Variants in ZMAT1 observed in about 807,000 individuals in gnomAD.
ZMAT1 encodes the protein zinc finger matrin-type protein 1.
A neutral mutation model predicts 18.5 loss-of-function variants in ZMAT1; 11 were observed. The ratio of observed to expected loss-of-function variants is 0.59; its 90% CI spans 0.37 to 0.98. The LOEUF (loss-of-function observed/expected upper bound fraction) is 0.98. Among genes scored for constraint, ZMAT1 ranks in the 50% least tolerant of loss-of-function variants. The pLI is 0.01. For synonymous variants in ZMAT1, 211 were observed against 176.4 expected (o/e 1.20, Z -1.55); for missense variants, 525 against 496.2 (o/e 1.06, Z -0.55).
intron 2 of ZMAT1, among the ~76,000 whole-genome samples, chrX:101,903,760 C>T (rs1329391391): frequency 1.8e-5 from 2 of 112,021 alleles, no homozygotes; most frequent in Non-Finnish European, 3.8e-5. Context: ...TAAACATTCT[C>T]TATTTTAGCT....
chrX:101,920,603 A>C (rs1370892106), intron 1 of ZMAT1, among the ~76,000 whole-genome samples: 1 of 112,171 alleles, frequency 8.9e-6, no homozygotes, highest in Non-Finnish European at 1.9e-5. Flanking sequence ...GCAAGGAGAA[A>C]ATAATGGAAA....
At chrX:101,898,994 G>A (rs1050791535) in intron 2 of ZMAT1, among the ~76,000 whole-genome samples, 2 of 110,690 alleles carry the variant, frequency 1.8e-5, no homozygotes, top group African/African-American at 6.6e-5. Context: ...GTTGCAGCGA[G>A]CCGAGATTGC....
chrX:101,904,663 C>T (rs781324761), intron 1 of ZMAT1, among the ~76,000 whole-genome samples: 1 of 111,359 alleles, frequency 9.0e-6, no homozygotes, highest in South Asian at 3.8e-4. Flanking sequence ...CCAGCCTTGG[C>T]CAGGTGCGGT....
intron 4 of ZMAT1, chrX:101,892,835 A>G (rs1927517923): frequency 2.2e-6 from 1 of 458,243 alleles, no homozygotes; most frequent in African/African-American, 2.7e-5. Context: ...ATATATAAAC[A>G]ATAGCAGATG....
chrX:101,898,160 C>A lies in ZMAT1; in HGVS notation c.460G>T (p.Val154Leu), dbSNP rs1224083749. ...YFQMHGEQNE[V>L]PGKKMKMHVE... ...TGCATCTTCATTTTCTTACCAGGCACTTCATTTTGTTCCCCATGCATTTGA... is the reference window on the plus strand; with the variant it reads ...TGCATCTTCATTTTCTTACCAGGCAATTCATTTTGTTCCCCATGCATTTGA... Residue 154 changes from valine to leucine, a missense_variant, in exon 3 of 6, where the codon GTG becomes TTG. Val to Leu is a conservative substitution (Grantham distance 32). Transcript: ENST00000651725. The A allele has an allele frequency of 1.7e-6, 2 of 1,211,603 alleles. No homozygotes were observed. The highest frequency in any genetic ancestry group is 1.8e-5 in the South Asian group (1 of 56,955).
chrX:101,897,368 T>C (rs1311021412), intron 4 of ZMAT1, among the ~76,000 whole-genome samples: 1 of 98,139 alleles, frequency 1.0e-5, no homozygotes, highest in Non-Finnish European at 2.1e-5. Flanking sequence ...AGGGATAGTA[T>C]TGGGAGATAT....
At chrX:101,912,231 G>A (rs1431075532) in intron 1 of ZMAT1, among the ~76,000 whole-genome samples, 1 of 111,882 alleles carries the variant, frequency 8.9e-6, no homozygotes, top group African/African-American at 3.3e-5. Flanking sequence ...CACACTGATG[G>A]GAAATGACCA....
Position 101,882,374 on chromosome X carries a change from T to C in ZMAT1, c.*1136A>G, listed in dbSNP as rs1036276288. Reference sequence around the variant, plus strand: ...ACTTTTTGAGACCGTTTTAAAACTATATATCATCTAAGTTTATTATAGACT... The same window carrying C: ...ACTTTTTGAGACCGTTTTAAAACTACATATCATCTAAGTTTATTATAGACT... On this transcript the variant is annotated 3_prime_UTR_variant, in exon 6 of 6. Transcript: ENST00000651725. 1.8e-5 allele frequency: 2 copies of C among 112,088 alleles called. No individual in the cohort carries two copies. The highest frequency in any genetic ancestry group is 3.8e-5 in the Non-Finnish European group (2 of 53,060). 9.2% of individuals were successfully genotyped at this position (112,088 alleles called of 1,213,427 possible). A position where few individuals can be genotyped will look rare whatever the true frequency, so the allele number is the denominator to read the frequency against.
chrX:101,914,797 T>C (rs1929203253), intron 1 of ZMAT1, among the ~76,000 whole-genome samples: 1 of 111,305 alleles, frequency 9.0e-6, no homozygotes, highest in African/African-American at 3.3e-5. Flanking sequence ...AAAACTATTC[T>C]GAAAAACAGA....
intron 1 of ZMAT1, among the ~76,000 whole-genome samples, chrX:101,929,142 CAA>C (rs1383021444): frequency 9.1e-6 from 1 of 109,749 alleles, no homozygotes; most frequent in Non-Finnish European, 1.9e-5. Flanking sequence ...TTATCCACCC[CAA>C]GACAGATGAA....
At chrX:101,923,209 G>T (rs1317021354) in intron 1 of ZMAT1, among the ~76,000 whole-genome samples, 2 of 111,370 alleles carry the variant, frequency 1.8e-5, no homozygotes, top group African/African-American at 6.5e-5. Flanking sequence ...TTATTGGTTG[G>T]TTGTTAAGTG....
Position 101,931,803 on chromosome X carries a change from CCGCCGCCGT to C in ZMAT1, c.197_205del (p.Asp66_Gly68del), listed in dbSNP as rs1168442223. On this transcript the variant is annotated inframe_deletion, in exon 1 of 6. Coordinates refer to ENST00000651725, the MANE Select transcript of ZMAT1 (RefSeq NM_001394560.1). ...CATAGTGGAGCCGCCAAAGCCGCCG[CCGCCGCCGT>C]CGCCACAGCCACCGGCAGGCGGGCA... The C allele has an allele frequency of 5.1e-6, 4 of 781,904 alleles. No homozygotes were observed. Among genetic ancestry groups the C allele is most frequent in the Non-Finnish European group, 6.1e-6 (4 of 659,784 alleles). The allele number at this position is 781,904 out of a possible 1,213,427, so 64.4% of individuals were successfully genotyped here. A position where few individuals can be genotyped will look rare whatever the true frequency, so the allele number is the denominator to read the frequency against.
At chrX:101,893,016 A>G (rs1322333998) in intron 4 of ZMAT1, among the ~76,000 whole-genome samples, 1 of 111,764 alleles carries the variant, frequency 8.9e-6, no homozygotes, top group Non-Finnish European at 1.9e-5. Context: ...TCAAATGTTT[A>G]CTGCTCTCAA....
intron 1 of ZMAT1, among the ~76,000 whole-genome samples, chrX:101,928,041 T>C (rs892802952): frequency 1.8e-5 from 2 of 112,022 alleles, no homozygotes; most frequent in Non-Finnish European, 3.8e-5. Context: ...GTCACACCAT[T>C]AGATTTACAG....
At chrX:101,914,386 A>C (rs1018917128) in intron 1 of ZMAT1, among the ~76,000 whole-genome samples, 12 of 111,841 alleles carry the variant, frequency 1.1e-4, no homozygotes, top group African/African-American at 3.9e-4. Context: ...AATACAATAC[A>C]AAAGACCAAT....
At chrX:101,927,371 C>T (rs899083087) in intron 1 of ZMAT1, among the ~76,000 whole-genome samples, 3 of 111,844 alleles carry the variant, frequency 2.7e-5, no homozygotes, top group African/African-American at 6.5e-5. Flanking sequence ...AGCATGATGA[C>T]CACTCACAGC....
intron 1 of ZMAT1, chrX:101,931,388 A>G (rs1360194576): frequency 2.8e-6 from 2 of 718,921 alleles, no homozygotes; most frequent in Non-Finnish European, 3.3e-6. Context: ...AGCTTCCTAC[A>G]GCACACTAAG....
chrX:101,929,495 ACAC>A (rs1569444157), intron 1 of ZMAT1, among the ~76,000 whole-genome samples: 4 of 101,643 alleles, frequency 3.9e-5, no homozygotes, highest in Admixed American at 1.1e-4. Context: ...AGAGAGAGAC[ACAC>A]AAATATTTTG....
intron 4 of ZMAT1, chrX:101,895,820 G>A: frequency 1.3e-6 from 1 of 751,842 alleles, no homozygotes; most frequent in Non-Finnish European, 1.6e-6. Flanking sequence ...CCACCTGTAG[G>A]AGGCTTGACA....
Sources: allele counts gnomAD v4.1 joint callset (sites outside exome capture counted in the v4.1 genomes callset), GRCh38; gene constraint gnomAD v4.1.1; transcripts MANE v1.5; gene names NCBI Gene and HGNC (gene_info 2026-07-23, HGNC 2026-07-21).